The following EFCAB5 variants were observed in gnomAD, a reference collection of about 807,000 sequenced individuals.
EFCAB5 encodes the protein EF-hand calcium-binding domain-containing protein 5.
EFCAB5 carries 131 observed loss-of-function variants against 167.9 expected under a neutral mutation model. The ratio of observed to expected loss-of-function variants is 0.78; its 90% CI spans 0.68 to 0.90. EFCAB5 has a LOEUF of 0.90. EFCAB5 is among the 40% of genes least tolerant of loss of function. The probability of loss-of-function intolerance (pLI) is 0.00; values close to 1 mark genes in which losing one functional copy is unlikely to be tolerated. For missense variants in EFCAB5, 1,663 were observed against 1,745.2 expected (o/e 0.95, Z 0.84); for synonymous variants, 574 against 602.8 (o/e 0.95, Z 0.70).
intron 18 of EFCAB5, 68 bp from the exon 19 acceptor site, chr17:30,086,995 G>C: frequency 7.2e-7 from 1 of 1,385,580 alleles, no homozygotes; most frequent in South Asian, 1.3e-5. Context: ...CTATTTATCT[G>C]TCCCCAAAAG....
chr17:30,031,454 T>G lies in EFCAB5; in HGVS notation c.1045-2776T>G, dbSNP rs367885060. ...TCAGCTAAGAGGACTGTTTATTTAA[T>G]GAAGAAGATGTTCTTGGCCAATTTG... On this transcript the variant is annotated intron_variant, in intron 7 of 22. Transcript: ENST00000394835. Among the ~76,000 whole-genome samples the G allele has an allele frequency of 6.6e-5, 10 of 152,350 alleles. No homozygotes were observed. The East Asian group carries it at 1.7e-3, about 26-fold the overall frequency.
intron 10 of EFCAB5, among the ~76,000 whole-genome samples, chr17:30,054,865 A>G (rs57551273): frequency 6.6e-6 from 1 of 152,222 alleles, no homozygotes; most frequent in Non-Finnish European, 1.5e-5. Flanking sequence ...CTGGATTATC[A>G]GATTGTCATT....
chr17:30,026,347 C>T (rs1445624863), intron 7 of EFCAB5, among the ~76,000 whole-genome samples: 1 of 151,620 alleles, frequency 6.6e-6, no homozygotes, highest in Non-Finnish European at 1.5e-5. Context: ...CAGTGGACTT[C>T]CATTAGAAAA....
intron 3 of EFCAB5, among the ~76,000 whole-genome samples, chr17:29,964,323 T>C (rs1176251779): frequency 1.3e-5 from 2 of 152,194 alleles, no homozygotes; most frequent in Admixed American, 1.3e-4. Flanking sequence ...AGACAGAGTC[T>C]TGCTCTGTTG....
intron 2 of EFCAB5, among the ~76,000 whole-genome samples, chr17:29,942,845 C>A (rs1267941367): frequency 6.6e-6 from 1 of 152,086 alleles, no homozygotes; most frequent in Non-Finnish European, 1.5e-5. Context: ...CAAGACCGGA[C>A]TGGCCAACAT....
chr17:30,076,153 C>G (rs2070864045), intron 14 of EFCAB5, among the ~76,000 whole-genome samples: 1 of 152,086 alleles, frequency 6.6e-6, no homozygotes, highest in South Asian at 2.1e-4. Flanking sequence ...TCTGTTTTAG[C>G]TGCACTATCA....
At chr17:29,978,655 T>C (rs2068108544) in intron 4 of EFCAB5, among the ~76,000 whole-genome samples, 1 of 152,228 alleles carries the variant, frequency 6.6e-6, no homozygotes, top group South Asian at 2.1e-4. Context: ...AGTCAACTTC[T>C]CTCCAGCTAG....
At chr17:30,019,081 T>C (rs1212305645) in intron 7 of EFCAB5, among the ~76,000 whole-genome samples, 1 of 152,178 alleles carries the variant, frequency 6.6e-6, no homozygotes, top group Non-Finnish European at 1.5e-5. Flanking sequence ...TTCTGGTGAC[T>C]CTTCTGATTC....
At chr17:30,007,919 G>A (rs2068805910) in intron 7 of EFCAB5, among the ~76,000 whole-genome samples, 2 of 151,922 alleles carry the variant, frequency 1.3e-5, no homozygotes, top group South Asian at 4.2e-4. Context: ...AGCCTGGGAA[G>A]TCAGGCTGCA....
chr17:30,009,950 A>G (rs2068858758), intron 7 of EFCAB5, among the ~76,000 whole-genome samples: 1 of 151,982 alleles, frequency 6.6e-6, no homozygotes, highest in Admixed American at 6.6e-5. Flanking sequence ...TCCTAATGCT[A>G]TCCCTCCTCC....
intron 7 of EFCAB5, among the ~76,000 whole-genome samples, chr17:30,014,998 T>C (rs1325476913): frequency 2.0e-5 from 3 of 152,196 alleles, no homozygotes; most frequent in African/African-American, 7.2e-5. Context: ...GGCCTGGTGG[T>C]GACAAAATCT....
chr17:29,938,552 A>G (rs1045405722), upstream of EFCAB5, among the ~76,000 whole-genome samples: 1 of 152,196 alleles, frequency 6.6e-6, no homozygotes, highest in Admixed American at 6.5e-5. Flanking sequence ...CCACAGTGGA[A>G]CTTCTTTCAA....
chr17:30,069,710 T>A, intron 14 of EFCAB5: 1 of 1,087,940 alleles, frequency 9.2e-7, no homozygotes, highest in Non-Finnish European at 1.4e-6. Flanking sequence ...CCCGCCGTAG[T>A]CTCATGTACC....
At position 29,986,939 on chromosome 17, in the gene EFCAB5, G is replaced by A. The variant is rs557652048; in HGVS notation, c.768-6226G>A. Among the ~76,000 whole-genome samples the A allele has an allele frequency of 5.7e-4, 86 of 152,200 alleles. 1 individual carries two copies. Among genetic ancestry groups the A allele is most frequent in the African/African-American group, 2.0e-3 (83 of 41,494 alleles). ...TGGGATTACAGGCGTGAGCCACCGC[G>A]CCCGGCCGAGTATATTCATTTTGAT... On this transcript the variant is annotated intron_variant, in intron 4 of 22. Coordinates refer to ENST00000394835, the MANE Select transcript of EFCAB5 (RefSeq NM_198529.4).
At chr17:30,068,475 G>A (rs948139520) in intron 14 of EFCAB5, among the ~76,000 whole-genome samples, 2 of 152,180 alleles carry the variant, frequency 1.3e-5, no homozygotes, top group Middle Eastern at 3.4e-3. Flanking sequence ...ACTATAAAAC[G>A]TTGATGAAAG....
intron 4 of EFCAB5, among the ~76,000 whole-genome samples, chr17:29,979,614 C>T (rs1436709402): frequency 6.6e-6 from 1 of 152,198 alleles, no homozygotes; most frequent in Admixed American, 6.5e-5. Context: ...CTAAGTTCTC[C>T]TTGTCCTTCA....
chr17:29,972,739 C>A, intron 4 of EFCAB5: 1 of 220,356 alleles, frequency 4.5e-6, no homozygotes. Flanking sequence ...GGCCAGAAAG[C>A]GTCCTTGCTG....
At chr17:30,008,895 A>G (rs987651809) in intron 7 of EFCAB5, among the ~76,000 whole-genome samples, 2 of 152,158 alleles carry the variant, frequency 1.3e-5, no homozygotes, top group Non-Finnish European at 2.9e-5. Flanking sequence ...GATCAGTATC[A>G]CTGGGCCAAA....
At chr17:29,935,725 A>G (rs1202750759) in intron 1 of EFCAB5, among the ~76,000 whole-genome samples, 1 of 152,018 alleles carries the variant, frequency 6.6e-6, no homozygotes, top group East Asian at 1.9e-4. Flanking sequence ...AAAAAAACAA[A>G]CAAACAAAAA....
Sources: allele counts gnomAD v4.1 joint callset (sites outside exome capture counted in the v4.1 genomes callset), GRCh38; gene constraint gnomAD v4.1.1; transcripts MANE v1.5; gene names NCBI Gene and HGNC (gene_info 2026-07-23, HGNC 2026-07-21).